Variants in DEPDC5 observed in about 807,000 individuals in gnomAD.
The protein encoded by DEPDC5 is DEP domain containing 5, GATOR1 subcomplex subunit.
Under a neutral mutation model 217.3 loss-of-function variants are expected in DEPDC5, and 73 were observed. That is an observed-to-expected ratio of 0.34 (90% CI 0.28 to 0.41). The LOEUF is 0.41. DEPDC5 is among the 10% of genes least tolerant of loss of function. DEPDC5 has a pLI of 1.00. For missense variants in DEPDC5, 1,675 were observed against 2,070.1 expected, an observed-to-expected ratio of 0.81 and a Z score of 3.70; for synonymous variants, 733 against 756.7, an observed-to-expected ratio of 0.97 and a Z score of 0.51.
rs562677392 is a variant in DEPDC5 at position 31,766,678 on chromosome 22, G to C, written c.363+10G>C. 3.7e-6 allele frequency: 6 copies of C among 1,610,352 alleles called. No individual in the cohort carries two copies. The African/African-American group carries it at 8.0e-5, about 21-fold the overall frequency. ...ACTAAAGAAAAGTTTGGTAAGATGT[G>C]ATTTTTTTTGAAAGTCTGTTACTTT... On this transcript the variant is annotated intron_variant, in intron 6 of 42. Transcript: ENST00000651528.
intron 33 of DEPDC5, among the ~76,000 whole-genome samples, chr22:31,864,445 G>A (rs989073354): frequency 2.0e-5 from 3 of 146,636 alleles, no homozygotes; most frequent in African/African-American, 7.5e-5. Flanking sequence ...TCTGTGCAAT[G>A]TTAGGGAGCT....
chr22:31,855,087 C>T (rs1257237591), intron 31 of DEPDC5, among the ~76,000 whole-genome samples: 1 of 151,710 alleles, frequency 6.6e-6, no homozygotes, highest in East Asian at 1.9e-4. Context: ...GCCTCAGCCT[C>T]CAGAGTAGCT....
chr22:31,839,207 C>T (rs1343949511), intron 27 of DEPDC5, among the ~76,000 whole-genome samples: 1 of 152,164 alleles, frequency 6.6e-6, no homozygotes, highest in East Asian at 1.9e-4. Flanking sequence ...AGCAGATTGT[C>T]AGATGTTACC....
chr22:31,901,592 A>C, intron 40 of DEPDC5, 150 bp from the exon 41 acceptor site: 5 of 629,696 alleles, frequency 7.9e-6, no homozygotes, highest in Non-Finnish European at 1.4e-5. Flanking sequence ...GATGGAGGCC[A>C]GTCTTTCTCA....
At chr22:31,792,937 T>G in intron 12 of DEPDC5, 120 bp downstream of exon 12, 1 of 830,578 alleles carries the variant, frequency 1.2e-6, no homozygotes, top group Non-Finnish European at 1.6e-6. Context: ...ATACAAAAAA[T>G]TCGCCTCTTG....
At chr22:31,876,588 C>T (rs941854268) in intron 37 of DEPDC5, among the ~76,000 whole-genome samples, 6 of 152,102 alleles carry the variant, frequency 3.9e-5, no homozygotes, top group Non-Finnish European at 7.4e-5. Flanking sequence ...CCTTGCCCAC[C>T]CAGCCCAGGT....
At chr22:31,838,644 C>T (rs373188540) in intron 26 of DEPDC5, 41 bp from the exon 27 acceptor site, 82 of 1,605,094 alleles carry the variant, frequency 5.1e-5, no homozygotes, top group Admixed American at 1.8e-4. Flanking sequence ...GTCACTGTCT[C>T]GGGCCAAGCA....
chr22:31,785,784 A>G (rs890014127), intron 10 of DEPDC5, among the ~76,000 whole-genome samples: 2 of 152,182 alleles, frequency 1.3e-5, no homozygotes, highest in African/African-American at 4.8e-5. Flanking sequence ...TTGAATTGAA[A>G]CCAACCCGTA....
At position 31,797,592 on chromosome 22, in the gene DEPDC5, C is replaced by T; in HGVS notation, c.768-8C>T. ...TCAATATCCATTTTATGATAATACT[C>T]TTTTCAGAGTGGTGGTGCAGAATGA... On this transcript the variant is annotated splice_region_variant and splice_polypyrimidine_tract_variant and intron_variant, in intron 12 of 42. Transcript: ENST00000651528. 1.2e-6 allele frequency: 2 copies of T among 1,609,378 alleles called. No individual in the cohort carries two copies. The highest frequency in any genetic ancestry group is 1.7e-6 in the Non-Finnish European group (2 of 1,175,714).
At chr22:31,815,872 A>C in intron 21 of DEPDC5, 1 of 1,092,656 alleles carries the variant, frequency 9.2e-7, no homozygotes, top group East Asian at 6.0e-5. Flanking sequence ...TTCTTCATCC[A>C]TCATTTAACT....
At chr22:31,779,709 A>G (rs1257013349) in intron 8 of DEPDC5, among the ~76,000 whole-genome samples, 1 of 152,208 alleles carries the variant, frequency 6.6e-6, no homozygotes, top group African/African-American at 2.4e-5. Flanking sequence ...GCCAAAGGTC[A>G]ACTTTTCTCT....
At chr22:31,845,505 C>T (rs913135097) in intron 30 of DEPDC5, among the ~76,000 whole-genome samples, 1 of 152,178 alleles carries the variant, frequency 6.6e-6, no homozygotes, top group African/African-American at 2.4e-5. Flanking sequence ...CCAAGTGGGA[C>T]CCTATGTTGA....
At chr22:31,856,777 G>A (rs186707129) in intron 31 of DEPDC5, among the ~76,000 whole-genome samples, 54 of 144,002 alleles carry the variant, frequency 3.7e-4, no homozygotes, top group African/African-American at 1.3e-3. Flanking sequence ...GCAGTTTTTT[G>A]TTTGTTTGTT....
chr22:31,883,738 C>T (rs2093238858), intron 38 of DEPDC5, among the ~76,000 whole-genome samples: 1 of 152,188 alleles, frequency 6.6e-6, no homozygotes, highest in South Asian at 2.1e-4. Flanking sequence ...GCCTGAACTC[C>T]AAGCACACTG....
intron 24 of DEPDC5, among the ~76,000 whole-genome samples, chr22:31,828,286 T>C (rs1414723047): frequency 6.6e-6 from 1 of 152,012 alleles, no homozygotes. Flanking sequence ...CCGCCATCTC[T>C]GCTAAAAATA....
chr22:31,887,012 G>A (rs1235447791), intron 38 of DEPDC5, among the ~76,000 whole-genome samples: 3 of 151,932 alleles, frequency 2.0e-5, no homozygotes, highest in African/African-American at 7.3e-5. Flanking sequence ...GAACCCGGGA[G>A]GTGGAGGTTG....
At chr22:31,765,544 C>T (rs1475946017) in intron 5 of DEPDC5, among the ~76,000 whole-genome samples, 1 of 152,042 alleles carries the variant, frequency 6.6e-6, no homozygotes, top group African/African-American at 2.4e-5. Flanking sequence ...CTGCCTTGGC[C>T]TCCCAGAGTG....
At chr22:31,899,613 A>C (rs774349539) in intron 40 of DEPDC5, among the ~76,000 whole-genome samples, 9 of 152,256 alleles carry the variant, frequency 5.9e-5, no homozygotes, top group East Asian at 3.9e-4. Context: ...GAAGGTCTTG[A>C]ATTCCTGACC....
intron 24 of DEPDC5, among the ~76,000 whole-genome samples, chr22:31,830,630 CGTGTGTGTGTGTGTGTGTGTGT>C (rs34078350): frequency 2.1e-5 from 3 of 142,464 alleles, no homozygotes; most frequent in Admixed American, 7.1e-5. Flanking sequence ...TATGCGTGTA[CGTGTGTGTGTGTGTGTGTGTGT>C]GTGTGTGTGT....
Sources: allele counts gnomAD v4.1 joint callset (sites outside exome capture counted in the v4.1 genomes callset), GRCh38; gene constraint gnomAD v4.1.1; transcripts MANE v1.5; gene names NCBI Gene and HGNC (gene_info 2026-07-23, HGNC 2026-07-21).